The following INPP4B variants were observed in gnomAD, a reference collection of about 807,000 sequenced individuals.
The protein encoded by INPP4B is inositol polyphosphate-4-phosphatase type II B.
A neutral mutation model predicts 122.5 loss-of-function variants in INPP4B; 55 were observed. That is an observed-to-expected ratio of 0.45 (90% CI 0.36 to 0.56). The LOEUF is 0.56. Among genes scored for constraint, INPP4B ranks in the 20% least tolerant of loss-of-function variants. The probability of loss-of-function intolerance (pLI) is 0.00; values close to 1 mark genes in which losing one functional copy is unlikely to be tolerated. For missense variants in INPP4B, 1,000 were observed against 1,097.7 expected, an observed-to-expected ratio of 0.91 and a Z score of 1.26; for synonymous variants, 403 against 388.7, an observed-to-expected ratio of 1.04 and a Z score of -0.43.
chr4:142,208,569 G>T, intron 13 of INPP4B, 40 bp from the exon 14 acceptor site: 1 of 1,106,594 alleles, frequency 9.0e-7, no homozygotes, highest in South Asian at 1.5e-5. Context: ...AGTAAATAAT[G>T]ATAAATTAAT....
intron 5 of INPP4B, among the ~76,000 whole-genome samples, chr4:142,411,764 C>T (rs1348139341): frequency 2.0e-5 from 3 of 152,068 alleles, no homozygotes; most frequent in Admixed American, 1.3e-4. Flanking sequence ...TGGTGATGCG[C>T]GTTTGTAATC....
At chr4:142,607,508 T>G (rs865783657) in intron 2 of INPP4B, among the ~76,000 whole-genome samples, 1 of 152,224 alleles carries the variant, frequency 6.6e-6, no homozygotes, top group Middle Eastern at 3.4e-3. Context: ...TCGTTATTAG[T>G]CTGCATCCAA....
At chr4:142,808,926 T>C (rs1440545493) in intron 1 of INPP4B, among the ~76,000 whole-genome samples, 1 of 152,126 alleles carries the variant, frequency 6.6e-6, no homozygotes, top group Non-Finnish European at 1.5e-5. Context: ...AATGTTAGAA[T>C]ACAATGTTCA....
At chr4:142,668,566 T>C (rs1756492861) in intron 2 of INPP4B, among the ~76,000 whole-genome samples, 1 of 152,186 alleles carries the variant, frequency 6.6e-6, no homozygotes, top group African/African-American at 2.4e-5. Flanking sequence ...TTGTCCCTGT[T>C]TGCAGGTGAC....
intron 12 of INPP4B, among the ~76,000 whole-genome samples, chr4:142,226,899 T>C (rs1305736662): frequency 6.6e-6 from 1 of 152,190 alleles, no homozygotes; most frequent in Non-Finnish European, 1.5e-5. Context: ...CAGAGGGTAG[T>C]ATTATGAACT....
At chr4:142,295,393 G>C (rs1758254083) in intron 9 of INPP4B, among the ~76,000 whole-genome samples, 1 of 152,150 alleles carries the variant, frequency 6.6e-6, no homozygotes, top group South Asian at 2.1e-4. Flanking sequence ...GGGGAATTGG[G>C]GGGTGAGTGT....
At chr4:142,637,747 T>C (rs150148570) in intron 2 of INPP4B, among the ~76,000 whole-genome samples, 1 of 152,280 alleles carries the variant, frequency 6.6e-6, no homozygotes, top group African/African-American at 2.4e-5. Flanking sequence ...ATGGTAAGAG[T>C]ATCTTTAGTT....
chr4:142,252,301 G>T (rs1338649935), intron 11 of INPP4B, among the ~76,000 whole-genome samples: 4 of 149,470 alleles, frequency 2.7e-5, no homozygotes, highest in Non-Finnish European at 5.9e-5. Context: ...CCATTCTCCT[G>T]CCTCAGCCTC....
At chr4:142,747,972 G>A (rs773700601) in intron 1 of INPP4B, among the ~76,000 whole-genome samples, 9 of 151,956 alleles carry the variant, frequency 5.9e-5, no homozygotes, top group African/African-American at 1.7e-4. Flanking sequence ...GTATACCTAC[G>A]TAACAAACCT....
chr4:142,358,906 C>A (rs914904370), intron 7 of INPP4B, among the ~76,000 whole-genome samples: 1 of 151,916 alleles, frequency 6.6e-6, no homozygotes, highest in Non-Finnish European at 1.5e-5. Context: ...TACTTTAGAG[C>A]CACTTGAAAG....
intron 7 of INPP4B, chr4:142,347,354 G>T (rs539923929): frequency 8.2e-6 from 2 of 244,572 alleles, no homozygotes; most frequent in African/African-American, 2.3e-5. Context: ...AGATGAAAGT[G>T]CTACATACAT....
chr4:142,511,851 C>T (rs1170309532), intron 2 of INPP4B, among the ~76,000 whole-genome samples: 1 of 152,138 alleles, frequency 6.6e-6, no homozygotes, highest in African/African-American at 2.4e-5. Flanking sequence ...AAAACAATTT[C>T]CTCTACACCC....
At chr4:142,524,479 C>A (rs1256565642) in intron 2 of INPP4B, among the ~76,000 whole-genome samples, 1 of 151,820 alleles carries the variant, frequency 6.6e-6, no homozygotes, top group Non-Finnish European at 1.5e-5. Context: ...CTGTTCATGT[C>A]CTTTGCCCAC....
chr4:142,738,082 C>A (rs1561014764), intron 1 of INPP4B, among the ~76,000 whole-genome samples: 1 of 152,094 alleles, frequency 6.6e-6, no homozygotes, highest in African/African-American at 2.4e-5. Context: ...CTAGAAATAC[C>A]ATTTGACCCA....
rs1479595207 is a variant in INPP4B, at chr4:142,122,901, A to G, written c.2017+391T>C. Among the ~76,000 whole-genome samples, 5 of 152,116 alleles carry G rather than the reference A, an allele frequency of 3.3e-5. No homozygotes were observed. The East Asian group carries it at 9.7e-4, about 29-fold the overall frequency. On this transcript the variant is annotated intron_variant, in intron 20 of 25. Transcript: ENST00000262992. ...CTAGTTTTTGAAATCTGGTATGCAT[A>G]TCTAGTACTTATTGATTTGGACTAG...
intron 7 of INPP4B, among the ~76,000 whole-genome samples, chr4:142,380,693 T>A (rs1328612921): frequency 2.0e-5 from 3 of 152,146 alleles, no homozygotes; most frequent in African/African-American, 7.2e-5. Context: ...CACCTCCTCA[T>A]CTACTTCTCC....
rs186652754 is a variant in INPP4B at position 142,595,570 on chromosome 4, G to T, written c.-191+130269C>A. Among the ~76,000 whole-genome samples, 143 of 152,166 alleles carry T rather than the reference G, an allele frequency of 9.4e-4. 1 individual carries two copies. Among genetic ancestry groups the T allele is most frequent in the Non-Finnish European group, 1.6e-3 (109 of 67,998 alleles). The stretch of plus-strand genomic sequence containing the variant: ...TTTTATGTTTATCCAGCAAAAATTG[G>T]TTTTTTTGAGAAGAAGAGAGAGTAC... On this transcript the variant is annotated intron_variant, in intron 2 of 25. Coordinates refer to ENST00000262992, the MANE Select transcript of INPP4B (RefSeq NM_001101669.3).
chr4:142,804,669 T>C (rs1053929584), intron 1 of INPP4B, among the ~76,000 whole-genome samples: 6 of 152,144 alleles, frequency 3.9e-5, no homozygotes, highest in Non-Finnish European at 8.8e-5. Flanking sequence ...TGTTTGCTTT[T>C]TGGTTTTTGT....
chr4:142,039,660 A>G (rs934438627), intron 25 of INPP4B, among the ~76,000 whole-genome samples: 1 of 152,174 alleles, frequency 6.6e-6, no homozygotes, highest in African/African-American at 2.4e-5. Flanking sequence ...CTTCCATTAA[A>G]TCATTTCAAA....
Sources: gnomAD v4.1 joint callset for allele counts (sites outside exome capture counted in the v4.1 genomes callset) on GRCh38, gnomAD v4.1.1 for gene constraint, MANE v1.5 for transcripts, NCBI Gene and HGNC (gene_info 2026-07-23, HGNC 2026-07-21) for gene names.